SNRPG: variants seen among roughly 807,000 people sequenced by gnomAD.
SNRPG encodes the protein small nuclear ribonucleoprotein polypeptide G, also known as small nuclear ribonucleoprotein G.
A neutral mutation model predicts 13.9 loss-of-function variants in SNRPG; 3 were observed. The observed-to-expected ratio is 0.22, with a 90% CI of 0.10 to 0.56. SNRPG has a LOEUF of 0.56. SNRPG is among the 20% of genes least tolerant of loss of function. SNRPG has a pLI of 0.93. For missense variants in SNRPG, 34 were observed against 96.1 expected (o/e 0.35, Z 2.70); for synonymous variants, 29 against 29.3 (o/e 0.99, Z 0.03).
At chr2:70,286,830 G>C (rs1374214700) in intron 3 of SNRPG, among the ~76,000 whole-genome samples, 2 of 152,116 alleles carry the variant, frequency 1.3e-5, no homozygotes, top group Non-Finnish European at 2.9e-5. Context: ...CAAATTTTTT[G>C]CAAGGAACTA....
At chr2:70,293,560 A>C in intron 1 of SNRPG, 58 bp downstream of exon 1, 1 of 1,417,368 alleles carries the variant, frequency 7.1e-7, no homozygotes, top group Non-Finnish European at 1.0e-6. Flanking sequence ...GAGGGAACCA[A>C]GGGACTCGCA....
At chr2:70,290,234 T>C (rs1468712710) in intron 1 of SNRPG, among the ~76,000 whole-genome samples, 3 of 152,162 alleles carry the variant, frequency 2.0e-5, no homozygotes, top group South Asian at 2.1e-4. Flanking sequence ...CAAAACTAAG[T>C]TGTAAAGACA....
intron 1 of SNRPG, among the ~76,000 whole-genome samples, chr2:70,291,948 A>AT (rs200204639): frequency 0.45 from 61,851 of 136,720 alleles, 16,693 homozygotes; most frequent in Middle Eastern, 0.62. Flanking sequence ...AGTAACTTCT[A>AT]TTTTTTTTTT....
chr2:70,291,933 T>G (rs971580390), intron 1 of SNRPG, among the ~76,000 whole-genome samples: 1 of 151,166 alleles, frequency 6.6e-6, no homozygotes, highest in Non-Finnish European at 1.5e-5. Context: ...TCACAATAAT[T>G]TCTGAGTAAC....
chr2:70,283,122 A>AAAAAAAACAAC (rs1241967786), intron 3 of SNRPG, among the ~76,000 whole-genome samples: 3 of 82,960 alleles, frequency 3.6e-5, no homozygotes, highest in Non-Finnish European at 7.5e-5. Context: ...AAAAAAAAAA[A>AAAAAAAACAAC]AACAACAAAC....
At chr2:70,284,312 G>A (rs1165881312) in intron 3 of SNRPG, among the ~76,000 whole-genome samples, 3 of 152,182 alleles carry the variant, frequency 2.0e-5, no homozygotes, top group South Asian at 2.1e-4. Flanking sequence ...GACTATAGGC[G>A]CACATCACCA....
chr2:70,287,426 A>G, intron 3 of SNRPG: 1 of 687,626 alleles, frequency 1.5e-6, no homozygotes, highest in Non-Finnish European at 2.6e-6. Flanking sequence ...TTCTTCAGCA[A>G]TCACTAAAAC....
At chr2:70,290,067 C>T (rs1441648306) in intron 1 of SNRPG, among the ~76,000 whole-genome samples, 1 of 147,668 alleles carries the variant, frequency 6.8e-6, no homozygotes, top group African/African-American at 2.5e-5. Flanking sequence ...TCCTGAATTC[C>T]TGGCCTCGAA....
At chr2:70,289,576 C>T (rs547915389) in intron 1 of SNRPG, among the ~76,000 whole-genome samples, 1 of 152,264 alleles carries the variant, frequency 6.6e-6, no homozygotes, top group South Asian at 2.1e-4. Context: ...CTTTAGGGGG[C>T]TGAGGCGGGT....
chr2:70,281,539 T>A lies in SNRPG; in HGVS notation c.*95A>T. ...TTACAAAAGTTTATTTAACAAAAAGTCTAATATGAAAATGTACATGACCTA... is the reference window on the plus strand; with the variant it reads ...TTACAAAAGTTTATTTAACAAAAAGACTAATATGAAAATGTACATGACCTA... On this transcript the variant is annotated 3_prime_UTR_variant, in exon 4 of 4. Transcript: ENST00000272348. The A allele has an allele frequency of 1.6e-6, 1 of 635,868 alleles. No homozygotes were observed. The highest frequency in any genetic ancestry group is 2.9e-5 in the East Asian group (1 of 34,292). The allele number at this position is 635,868 out of a possible 1,614,324, so 39.4% of individuals were successfully genotyped here.
chr2:70,293,516 G>A, intron 1 of SNRPG, 102 bp downstream of exon 1: 1 of 1,025,244 alleles, frequency 9.8e-7, no homozygotes. Context: ...AAGAAGAAAT[G>A]AAGTGAAGCG....
At chr2:70,289,460 T>A in intron 1 of SNRPG, 88 bp from the exon 2 acceptor site, 1 of 672,704 alleles carries the variant, frequency 1.5e-6, no homozygotes, top group Admixed American at 2.9e-5. Flanking sequence ...GATAATTTGC[T>A]AAAATTTATA....
rs1559041605 is a variant in SNRPG, at chr2:70,283,119, A to ACAAC, written c.181-1436_181-1435insGTTG. On this transcript the variant is annotated intron_variant, in intron 3 of 3. Transcript: ENST00000272348. ...GTCAAAAAAAAAAAAAAAAAAAAAAAAAAAACAACAAACCAAAACCAAAAC... is the reference window on the plus strand; with the variant it reads ...GTCAAAAAAAAAAAAAAAAAAAAAAACAACAAAAACAACAAACCAAAACCAAAAC... 1.0e-4 allele frequency among the ~76,000 whole-genome samples: 15 copies of ACAAC among 147,446 alleles called. No individual in the cohort carries two copies. The East Asian group carries it at 2.7e-3, about 27-fold the overall frequency.
intron 2 of SNRPG, among the ~76,000 whole-genome samples, chr2:70,288,479 G>T (rs1045159768): frequency 1.3e-5 from 2 of 152,032 alleles, no homozygotes; most frequent in African/African-American, 4.8e-5. Context: ...GGCTGGTCTC[G>T]AACTCCTGGG....
chr2:70,281,615 TCTG>T lies in SNRPG; in HGVS notation c.*16_*18del, dbSNP rs764219909. 9.4e-6 allele frequency: 14 copies of T among 1,488,234 alleles called. No homozygotes were observed. Among genetic ancestry groups the T allele is most frequent in the Non-Finnish European group, 1.1e-5 (12 of 1,077,848 alleles). 92.2% of individuals were successfully genotyped at this position (1,488,234 alleles called of 1,614,324 possible). On this transcript the variant is annotated 3_prime_UTR_variant, in exon 4 of 4. Coordinates refer to ENST00000272348, the MANE Select transcript of SNRPG (RefSeq NM_003096.4). ...CCTATGGAGAGAGGACATGGGTTTCTCTGCTGAACAGCCATTATTTATACTCGT... is the reference window on the plus strand; with the variant it reads ...CCTATGGAGAGAGGACATGGGTTTCTCTGAACAGCCATTATTTATACTCGT...
chr2:70,293,148 C>T, intron 1 of SNRPG: 1 of 702,414 alleles, frequency 1.4e-6, no homozygotes, highest in African/African-American at 1.7e-5. Flanking sequence ...AGCTCAAACA[C>T]CTACAAACAC....
intron 3 of SNRPG, among the ~76,000 whole-genome samples, chr2:70,281,998 C>T (rs1573988329): frequency 6.6e-6 from 1 of 152,250 alleles, no homozygotes; most frequent in East Asian, 1.9e-4. Context: ...CGGCTCACTG[C>T]AGCCTCTGCC....
intron 1 of SNRPG, 78 bp from the exon 2 acceptor site, chr2:70,289,450 G>A (rs1697024952): frequency 2.8e-6 from 2 of 720,208 alleles, no homozygotes; most frequent in Admixed American, 2.9e-5. Context: ...GTATAGTTAA[G>A]ATAATTTGCT....
rs1241967786 is a variant in SNRPG, at chr2:70,283,122, A to AAAAAAAAAAAAAAAAAAAAAAAAC, written c.181-1439_181-1438insGTTTTTTTTTTTTTTTTTTTTTTT. 1.2e-3 allele frequency among the ~76,000 whole-genome samples: 100 copies of AAAAAAAAAAAAAAAAAAAAAAAAC among 82,986 alleles called. 21 individuals are homozygous for AAAAAAAAAAAAAAAAAAAAAAAAC. Among genetic ancestry groups the AAAAAAAAAAAAAAAAAAAAAAAAC allele is most frequent in the South Asian group, 2.0e-3 (4 of 2,006 alleles). The allele number at this position is 82,986 out of a possible 152,430, so 54.4% of individuals were successfully genotyped here. A position where few individuals can be genotyped will look rare whatever the true frequency, so the allele number is the denominator to read the frequency against. ...AAAAAAAAAAAAAAAAAAAAAAAAA[A>AAAAAAAAAAAAAAAAAAAAAAAAC]AACAACAAACCAAAACCAAAACAAA... is the stretch of plus-strand genomic sequence containing the variant. On this transcript the variant is annotated intron_variant, in intron 3 of 3. Transcript: ENST00000272348.
Sources: allele counts gnomAD v4.1 joint callset (sites outside exome capture counted in the v4.1 genomes callset), GRCh38; gene constraint gnomAD v4.1.1; transcripts MANE v1.5; gene names NCBI Gene and HGNC (gene_info 2026-07-23, HGNC 2026-07-21).